The following AOX1 variants were observed in gnomAD, a reference collection of about 807,000 sequenced individuals.
AOX1 encodes the protein aldehyde oxidase 1.
Under a neutral mutation model 169.5 loss-of-function variants are expected in AOX1, and 153 were observed. The observed-to-expected ratio is 0.90, with a 90% CI of 0.79 to 1.03. The LOEUF is 1.03. Among genes scored for constraint, AOX1 ranks in the 50% least tolerant of loss-of-function variants. The probability of loss-of-function intolerance (pLI) is 0.00; values close to 1 mark genes in which losing one functional copy is unlikely to be tolerated. For missense variants in AOX1, 1,656 were observed against 1,663.9 expected, an observed-to-expected ratio of 1.00 and a Z score of 0.08; for synonymous variants, 562 against 581.9, an observed-to-expected ratio of 0.97 and a Z score of 0.49.
intron 20 of AOX1, among the ~76,000 whole-genome samples, chr2:200,631,404 AC>A (rs1221792808): frequency 6.6e-6 from 1 of 152,206 alleles, no homozygotes; most frequent in Non-Finnish European, 1.5e-5. Flanking sequence ...TTTGCAAGAG[AC>A]CCAGGGAGCC....
intron 1 of AOX1, among the ~76,000 whole-genome samples, chr2:200,591,819 G>A (rs2034178888): frequency 1.3e-5 from 2 of 152,130 alleles, no homozygotes; most frequent in Admixed American, 1.3e-4. Flanking sequence ...GGTACCAAGA[G>A]TGGAGGCAGG....
At chr2:200,677,386 C>T (rs2036114648), downstream of AOX1, among the ~76,000 whole-genome samples, 1 of 152,170 alleles carries the variant, frequency 6.6e-6, no homozygotes, top group Admixed American at 6.5e-5. Context: ...AGCCATCAGG[C>T]ATTGACTTCT....
intron 2 of AOX1, among the ~76,000 whole-genome samples, chr2:200,593,430 T>C (rs1224723786): frequency 6.6e-6 from 1 of 152,092 alleles, no homozygotes; most frequent in Non-Finnish European, 1.5e-5. Context: ...ATGGGGAAAC[T>C]AGTAATGGAA....
In AOX1 at chr2:200,603,300, G is replaced by T. The variant is rs768639406; in HGVS notation, c.532G>T (p.Val178Phe). 7.2e-5 allele frequency: 116 copies of T among 1,613,884 alleles called. No homozygotes were observed. The highest frequency in any genetic ancestry group is 3.3e-5 in the Admixed American group (2 of 59,998). ...CTGCTGTCAAAGTAAAGAAAATGGGGTTTGCTGTTTGGATCAAGGAATCAA... is the reference window on the plus strand; with the variant it reads ...CTGCTGTCAAAGTAAAGAAAATGGGTTTTGCTGTTTGGATCAAGGAATCAA... ...SGCCQSKENG[V>F]CCLDQGINGL... Residue 178 changes from valine (V) to phenylalanine (F), a missense_variant, in exon 7 of 35, where the codon GTT (valine) becomes TTT (phenylalanine). Physicochemically the swap from Val to Phe is conservative, Grantham distance 50 (BLOSUM62 -1). Coordinates refer to ENST00000374700, the MANE Select transcript of AOX1 (RefSeq NM_001159.4).
chr2:200,645,903 T>C (rs1327079840), intron 25 of AOX1, among the ~76,000 whole-genome samples: 4 of 152,206 alleles, frequency 2.6e-5, no homozygotes, highest in Non-Finnish European at 1.5e-5. Flanking sequence ...TTCAGTGTTG[T>C]CAGTTGTAAT....
downstream of AOX1, chr2:200,681,288 G>T (rs1276300884): frequency 1.3e-5 from 2 of 152,566 alleles, no homozygotes; most frequent in African/African-American, 4.8e-5. Context: ...GTACCAATCA[G>T]AGGCCTCTGT....
chr2:200,654,488 G>A (rs764868230), intron 26 of AOX1, among the ~76,000 whole-genome samples: 1 of 152,176 alleles, frequency 6.6e-6, no homozygotes, highest in Admixed American at 6.5e-5. Context: ...GGGAAACAAC[G>A]AAAATTGTGT....
intron 1 of AOX1, among the ~76,000 whole-genome samples, chr2:200,587,119 C>G (rs1213651308): frequency 6.6e-6 from 1 of 150,656 alleles, no homozygotes; most frequent in African/African-American, 2.4e-5. Context: ...AAAAACCAAA[C>G]AAAACAAAAC....
intron 20 of AOX1, among the ~76,000 whole-genome samples, chr2:200,630,918 G>T (rs900133268): frequency 3.9e-5 from 6 of 151,946 alleles, no homozygotes; most frequent in Admixed American, 1.3e-4. Flanking sequence ...CTAAGTGATG[G>T]GTTCATCTGT....
chr2:200,605,955 A>G (rs2034506747), intron 10 of AOX1, among the ~76,000 whole-genome samples: 1 of 151,892 alleles, frequency 6.6e-6, no homozygotes, highest in Non-Finnish European at 1.5e-5. Context: ...TCTGACACTA[A>G]TTTCTTTTGC....
Position 200,634,783 on chromosome 2 carries a change from T to C in AOX1, c.2222-8T>C. 1 of 1,613,784 alleles carries C rather than the reference T, an allele frequency of 6.2e-7. No homozygotes were observed. The highest frequency in any genetic ancestry group is 8.5e-7 in the Non-Finnish European group (1 of 1,179,822). On this transcript the variant is annotated splice_region_variant and splice_polypyrimidine_tract_variant and intron_variant, in intron 20 of 34. Coordinates refer to ENST00000374700, the MANE Select transcript of AOX1 (RefSeq NM_001159.4). Reference sequence around the variant, plus strand: ...CTTCCTTGACTTTTATGTATTTTCCTGTAACAGGTGAAATACATATGGGAG... The same window carrying C: ...CTTCCTTGACTTTTATGTATTTTCCCGTAACAGGTGAAATACATATGGGAG...
Position 200,638,419 on chromosome 2 carries a change from A to G in AOX1, c.2568+117A>G, listed in dbSNP as rs535920804. ...GAGTAACAATGAGCAAATCAAAAAC[A>G]GAGCATCTATTTAACTTTCTATTGG... On this transcript the variant is annotated intron_variant, in intron 23 of 34. Transcript: ENST00000374700. The G allele has an allele frequency of 5.8e-5, 49 of 845,474 alleles. No individual in the cohort carries two copies. In the African/African-American group the frequency reaches 7.9e-4, roughly 14 times the overall value. 52.4% of individuals were successfully genotyped at this position (845,474 alleles called of 1,614,324 possible). A position where few individuals can be genotyped will look rare whatever the true frequency, so the allele number is the denominator to read the frequency against.
At chr2:200,640,752 A>ACT (rs1164497011) in intron 23 of AOX1, among the ~76,000 whole-genome samples, 1 of 152,226 alleles carries the variant, frequency 6.6e-6, no homozygotes, top group African/African-American at 2.4e-5. Flanking sequence ...CATAATGGTG[A>ACT]CTAAAACTAT....
intron 25 of AOX1, among the ~76,000 whole-genome samples, chr2:200,645,406 C>T (rs185052000): frequency 1.3e-5 from 2 of 152,196 alleles, no homozygotes; most frequent in East Asian, 3.9e-4. Context: ...TCCCTGTATC[C>T]CTGGTATGAA....
At position 200,597,411 on chromosome 2, in the gene AOX1, AT is replaced by A. The variant is rs752679538; in HGVS notation, c.216del (p.Asn72LysfsTer4). On this transcript the variant is annotated frameshift_variant, in exon 4 of 35. Coordinates refer to ENST00000374700, the MANE Select transcript of AOX1 (RefSeq NM_001159.4). LOFTEE classifies it high-confidence loss of function. ...ITKRIRHHPA[N>X]ACLIPICSLY... ...GCATTCTGAAGGCATCACCCAGCCA[AT>A]GCCTGTCTGATTCCCATCTGTTCTC... The A allele has an allele frequency of 3.1e-6, 5 of 1,607,970 alleles. No individual in the cohort carries two copies. The African/African-American group carries it at 4.0e-5, about 13-fold the overall frequency.
chr2:200,643,104 C>T (rs1346067933), intron 25 of AOX1, among the ~76,000 whole-genome samples: 2 of 151,954 alleles, frequency 1.3e-5, no homozygotes, highest in Non-Finnish European at 2.9e-5. Context: ...CCATCAAGGC[C>T]CTCATTCCCC....
intron 12 of AOX1, 67 bp from the exon 13 acceptor site, chr2:200,611,317 C>T: frequency 9.1e-7 from 1 of 1,104,596 alleles, no homozygotes; most frequent in Non-Finnish European, 1.4e-6. Context: ...AGAATTACTT[C>T]CTAAGTTTTG....
At chr2:200,603,915 G>A (rs10183589) in intron 7 of AOX1, 102 bp from the exon 8 acceptor site, 8 of 779,374 alleles carry the variant, frequency 1.0e-5, no homozygotes, top group South Asian at 4.9e-5. Context: ...CTTTTTTGTC[G>A]GTTTGCTGTA....
chr2:200,647,436 G>T (rs192038763), intron 25 of AOX1, among the ~76,000 whole-genome samples: 211 of 152,228 alleles, frequency 1.4e-3, no homozygotes, highest in Admixed American at 3.3e-3. Context: ...TAGCTTGTAG[G>T]GTTTCTGCTG....
Sources: allele counts gnomAD v4.1 joint callset (sites outside exome capture counted in the v4.1 genomes callset), GRCh38; gene constraint gnomAD v4.1.1; transcripts MANE v1.5; gene names NCBI Gene and HGNC (gene_info 2026-07-23, HGNC 2026-07-21).